RECQL: variants seen among roughly 807,000 people sequenced by gnomAD.
RECQL encodes the protein RecQ like helicase, also known as ATP-dependent DNA helicase Q1.
Under a neutral mutation model 75.8 loss-of-function variants are expected in RECQL, and 73 were observed. The ratio of observed to expected loss-of-function variants is 0.96; its 90% CI spans 0.80 to 1.17. RECQL has a LOEUF of 1.17. Among genes scored for constraint, RECQL ranks in the 50% most tolerant of loss-of-function variants. The probability of loss-of-function intolerance (pLI) is 0.00; values close to 1 mark genes in which losing one functional copy is unlikely to be tolerated. For missense variants in RECQL, 699 were observed against 772.1 expected, an observed-to-expected ratio of 0.91 and a Z score of 1.12; for synonymous variants, 248 against 254.4, an observed-to-expected ratio of 0.97 and a Z score of 0.24.
rs551278967 is a variant in RECQL, at chr12:21,470,908, A to G, written c.1797+61T>C. On this transcript the variant is annotated intron_variant, in intron 14 of 14. Coordinates refer to ENST00000444129, the MANE Select transcript of RECQL (RefSeq NM_002907.4). ...ACCTAGGGGAATATGACAGAAAAGCATCCCATAGGCTTTAATATACTTTTT... is the reference window on the plus strand; with the variant it reads ...ACCTAGGGGAATATGACAGAAAAGCGTCCCATAGGCTTTAATATACTTTTT... 15 of 1,221,770 alleles carry G rather than the reference A, an allele frequency of 1.2e-5. No individual in the cohort carries two copies. The South Asian group carries it at 3.5e-4, about 29-fold the overall frequency. 75.7% of individuals were successfully genotyped at this position (1,221,770 alleles called of 1,614,324 possible). A position where few individuals can be genotyped will look rare whatever the true frequency, so the allele number is the denominator to read the frequency against.
chr12:21,478,087 T>G, intron 6 of RECQL, 118 bp from the exon 7 acceptor site: 3 of 977,972 alleles, frequency 3.1e-6, no homozygotes, highest in Admixed American at 2.7e-5. Flanking sequence ...CAGCCATCTA[T>G]AGCAGTAAAT....
intron 6 of RECQL, among the ~76,000 whole-genome samples, chr12:21,479,350 A>ATT (rs11366827): frequency 0.038 from 4,470 of 116,280 alleles, 122 homozygotes; most frequent in Middle Eastern, 0.058. Flanking sequence ...TCATCATGTA[A>ATT]TTTTTTTTTT....
chr12:21,486,812 A>G (rs567674046), intron 4 of RECQL, among the ~76,000 whole-genome samples: 5 of 151,950 alleles, frequency 3.3e-5, no homozygotes, highest in African/African-American at 1.2e-4. Context: ...CTGGGACTAC[A>G]GGCACCTGCT....
At chr12:21,491,772 T>C in intron 2 of RECQL, 56 bp from the exon 3 acceptor site, 1 of 1,466,136 alleles carries the variant, frequency 6.8e-7, no homozygotes. Context: ...AACTTTAGGT[T>C]TCCAGATTGA....
At chr12:21,487,646 A>G (rs1409756606) in intron 4 of RECQL, among the ~76,000 whole-genome samples, 1 of 152,110 alleles carries the variant, frequency 6.6e-6, no homozygotes, top group Non-Finnish European at 1.5e-5. Context: ...ACTAGCACCT[A>G]CTCATTACAT....
In RECQL at chr12:21,501,601, T is replaced by TA. The variant is rs1395163887; in HGVS notation, c.-478dup. 1 of 355,536 alleles carries TA rather than the reference T, an allele frequency of 2.8e-6. No individual in the cohort carries two copies. Among genetic ancestry groups the TA allele is most frequent in the African/African-American group, 2.1e-5 (1 of 47,202 alleles). 22.0% of individuals were successfully genotyped at this position (355,536 alleles called of 1,614,324 possible). On this transcript the variant is annotated 5_prime_UTR_variant, in exon 1 of 15. An upstream open reading frame in the 5' UTR loses its in-frame stop. Coordinates refer to ENST00000444129, the MANE Select transcript of RECQL (RefSeq NM_002907.4). ...AGCAGATCTTTCCGCTACTCGGGAG[T>TA]AAAATCTTCCCGCCAGCCAGCTGAG...
intron 11 of RECQL, 116 bp from the exon 12 acceptor site, chr12:21,473,758 AC>A: frequency 2.6e-6 from 2 of 770,738 alleles, no homozygotes; most frequent in South Asian, 3.7e-5. Flanking sequence ...CCATAATATT[AC>A]CATAAACTTA....
intron 2 of RECQL, 144 bp from the exon 3 acceptor site, chr12:21,491,860 A>G: frequency 4.1e-6 from 3 of 737,030 alleles, no homozygotes; most frequent in Non-Finnish European, 6.4e-6. Context: ...CATGTTTTTG[A>G]GTCATATAGA....
rs144747536 is a variant in RECQL at position 21,478,700 on chromosome 12, A to G, written c.701-731T>C. On this transcript the variant is annotated intron_variant, in intron 6 of 14. Transcript: ENST00000444129. ...GATGGATTTACTGTCCAATCCATTA[A>G]GCTGTGAATTACATCTCCCAGAATC... Among the ~76,000 whole-genome samples the G allele has an allele frequency of 4.0e-4, 61 of 152,332 alleles. 1 individual carries two copies. The highest frequency in any genetic ancestry group is 1.3e-3 in the African/African-American group (52 of 41,566).
At chr12:21,479,559 G>A (rs1447182661) in intron 6 of RECQL, among the ~76,000 whole-genome samples, 2 of 151,950 alleles carry the variant, frequency 1.3e-5, no homozygotes, top group East Asian at 3.9e-4. Context: ...CACCACGTTG[G>A]CCAGGCTGGT....
intron 3 of RECQL, among the ~76,000 whole-genome samples, chr12:21,490,845 C>T (rs1943398341): frequency 6.6e-6 from 1 of 151,876 alleles, no homozygotes; most frequent in South Asian, 2.1e-4. Flanking sequence ...CAAAGCAAGA[C>T]CCTATCTCAA....
chr12:21,477,825 T>C lies in RECQL; in HGVS notation c.845A>G (p.Asn282Ser). Reference sequence around the variant, plus strand: ...TACCTCATAATATAGATTTGGCCTATTAAAAGAAGCTGTAAAAGTAAAACA... The same window carrying C: ...TACCTCATAATATAGATTTGGCCTACTAAAAGAAGCTGTAAAAGTAAAACA... ...EKCFTFTASF[N>S]RPNLYYEVRQ... Residue 282 changes from asparagine (N) to serine (S), a missense_variant, in exon 7 of 15, where the codon AAT (asparagine) becomes AGT (serine). Coordinates refer to ENST00000444129, the MANE Select transcript of RECQL (RefSeq NM_002907.4). 6.2e-7 allele frequency: 1 copy of C among 1,612,916 alleles called. No individual in the cohort carries two copies. The highest frequency in any genetic ancestry group is 8.5e-7 in the Non-Finnish European group (1 of 1,179,476).
At chr12:21,487,353 A>G (rs1227524199) in intron 4 of RECQL, among the ~76,000 whole-genome samples, 1 of 152,162 alleles carries the variant, frequency 6.6e-6, no homozygotes, top group Admixed American at 6.5e-5. Context: ...GCATTCTTTT[A>G]CTTTTTGTAC....
intron 12 of RECQL, among the ~76,000 whole-genome samples, chr12:21,472,481 C>G (rs1297020781): frequency 6.6e-6 from 1 of 151,834 alleles, no homozygotes; most frequent in Non-Finnish European, 1.5e-5. Flanking sequence ...GTATTTATAG[C>G]TGCTCCTTAG....
At chr12:21,473,206 A>G (rs1380604945) in intron 12 of RECQL, among the ~76,000 whole-genome samples, 1 of 152,148 alleles carries the variant, frequency 6.6e-6, no homozygotes, top group Non-Finnish European at 1.5e-5. Context: ...CCAAGAGATT[A>G]TATAATACCA....
At chr12:21,498,739 C>T (rs1236161167) in intron 2 of RECQL, among the ~76,000 whole-genome samples, 1 of 152,030 alleles carries the variant, frequency 6.6e-6, no homozygotes, top group African/African-American at 2.4e-5. Flanking sequence ...ACTATAATAA[C>T]CAAATATAGG....
intron 4 of RECQL, 109 bp downstream of exon 4, chr12:21,490,090 T>C (rs1374392423): frequency 4.5e-5 from 24 of 529,830 alleles, no homozygotes; most frequent in Non-Finnish European, 7.2e-5. Flanking sequence ...CAAACAAAAA[T>C]GCACTTGATT....
At chr12:21,493,628 A>C (rs11835261) in intron 2 of RECQL, among the ~76,000 whole-genome samples, 8,606 of 152,286 alleles carry the variant, frequency 0.057, 302 homozygotes, top group African/African-American at 0.094. Flanking sequence ...AAGGAGACTG[A>C]AATTTGGAGG....
intron 5 of RECQL, 140 bp downstream of exon 5, chr12:21,486,339 G>A (rs1943295584): frequency 3.7e-6 from 4 of 1,091,004 alleles, no homozygotes; most frequent in Non-Finnish European, 4.8e-6. Flanking sequence ...CAGTGGGCCA[G>A]AACTGGCCAA....
Sources: allele counts gnomAD v4.1 joint callset (sites outside exome capture counted in the v4.1 genomes callset), GRCh38; gene constraint gnomAD v4.1.1; transcripts MANE v1.5; gene names NCBI Gene and HGNC (gene_info 2026-07-23, HGNC 2026-07-21).